Variants in DTD1 observed in about 807,000 individuals in gnomAD.
The protein encoded by DTD1 is D-aminoacyl-tRNA deacylase 1.
In DTD1, 13 loss-of-function variants were observed where a neutral mutation model predicts 25.6. The ratio of observed to expected loss-of-function variants is 0.51; its 90% CI spans 0.33 to 0.81. The LOEUF is 0.81. Among genes scored for constraint, DTD1 ranks in the 30% least tolerant of loss-of-function variants. The pLI, the probability that DTD1 is intolerant of heterozygous loss-of-function variation, is 0.02. For missense variants in DTD1, 193 were observed against 266.4 expected, an observed-to-expected ratio of 0.72 and a Z score of 1.92; for synonymous variants, 110 against 103.6, an observed-to-expected ratio of 1.06 and a Z score of -0.37.
chr20:18,601,456 G>A (rs1211739748), intron 3 of DTD1, among the ~76,000 whole-genome samples: 4 of 146,442 alleles, frequency 2.7e-5, no homozygotes, highest in African/African-American at 7.7e-5. Flanking sequence ...CCGAGATTAC[G>A]CCACTGTACT....
At chr20:18,647,589 G>A (rs548803160) in intron 4 of DTD1, among the ~76,000 whole-genome samples, 1 of 152,278 alleles carries the variant, frequency 6.6e-6, no homozygotes, top group East Asian at 1.9e-4. Flanking sequence ...ATGGAGGCTT[G>A]AACCTCCTGG....
At chr20:18,708,203 AT>A (rs2061135271) in intron 4 of DTD1, among the ~76,000 whole-genome samples, 1 of 29,574 alleles carries the variant, frequency 3.4e-5, no homozygotes, top group African/African-American at 9.1e-5. Flanking sequence ...TATTATATAT[AT>A]ATTTTATATA....
intron 4 of DTD1, among the ~76,000 whole-genome samples, chr20:18,647,954 TG>T (rs1252037194): frequency 3.3e-5 from 5 of 152,124 alleles, no homozygotes; most frequent in African/African-American, 1.2e-4. Flanking sequence ...TCAACCTAGA[TG>T]GGGCCCACAT....
chr20:18,712,134 GT>G (rs931160461), intron 4 of DTD1, among the ~76,000 whole-genome samples: 19 of 152,022 alleles, frequency 1.2e-4, no homozygotes, highest in African/African-American at 4.6e-4. Flanking sequence ...TTCTGCATGG[GT>G]TTTTCCTTAG....
intron 4 of DTD1, among the ~76,000 whole-genome samples, chr20:18,723,813 G>A (rs2061214044): frequency 6.6e-6 from 1 of 152,154 alleles, no homozygotes; most frequent in Non-Finnish European, 1.5e-5. Flanking sequence ...TTTGCTACAG[G>A]TATCAAAAGA....
chr20:18,746,222 G>C (rs1187157793), intron 5 of DTD1, among the ~76,000 whole-genome samples: 1 of 152,148 alleles, frequency 6.6e-6, no homozygotes, highest in Non-Finnish European at 1.5e-5. Flanking sequence ...ACAATTTGGA[G>C]CCTTCAGCTC....
intron 1 of DTD1, chr20:18,588,995 ATCCTG>A: frequency 1.6e-6 from 1 of 630,198 alleles, no homozygotes; most frequent in South Asian, 7.1e-5. Flanking sequence ...AATTTCAGAT[ATCCTG>A]TCCTTGGAGC....
intron 4 of DTD1, among the ~76,000 whole-genome samples, chr20:18,735,889 T>A (rs1022832178): frequency 6.6e-6 from 1 of 152,104 alleles, no homozygotes; most frequent in Non-Finnish European, 1.5e-5. Flanking sequence ...ATTTAAGGAC[T>A]TTTTTGCTTC....
chr20:18,652,354 A>C (rs75455655), intron 4 of DTD1, among the ~76,000 whole-genome samples: 2 of 152,254 alleles, frequency 1.3e-5, no homozygotes, highest in Non-Finnish European at 2.9e-5. Context: ...TCAGTTTACA[A>C]TCTTTAATAA....
intron 4 of DTD1, among the ~76,000 whole-genome samples, chr20:18,633,516 A>C (rs1251903753): frequency 6.6e-6 from 1 of 152,136 alleles, no homozygotes; most frequent in Non-Finnish European, 1.5e-5. Context: ...TGCCCTGTCC[A>C]GGGAGGTGTG....
chr20:18,682,030 T>C (rs2060999288), intron 4 of DTD1, among the ~76,000 whole-genome samples: 1 of 152,226 alleles, frequency 6.6e-6, no homozygotes, highest in South Asian at 2.1e-4. Flanking sequence ...TGCTGTTCTA[T>C]GGTACCTGCC....
At chr20:18,605,925 A>G (rs2060655100) in intron 3 of DTD1, among the ~76,000 whole-genome samples, 1 of 150,346 alleles carries the variant, frequency 6.7e-6, no homozygotes, top group Non-Finnish European at 1.5e-5. Context: ...AAATTGACAA[A>G]TGGGATCTAA....
chr20:18,758,931 C>G (rs545317893), intron 5 of DTD1, among the ~76,000 whole-genome samples: 7 of 152,206 alleles, frequency 4.6e-5, no homozygotes, highest in Non-Finnish European at 1.0e-4. Context: ...GTATTGGGTG[C>G]ATATATATTT....
At chr20:18,733,915 T>G (rs989741442) in intron 4 of DTD1, among the ~76,000 whole-genome samples, 1 of 152,226 alleles carries the variant, frequency 6.6e-6, no homozygotes, top group Non-Finnish European at 1.5e-5. Flanking sequence ...ATAATGGCAC[T>G]CTACACGGTG....
chr20:18,714,380 T>C (rs1204570933), intron 4 of DTD1, among the ~76,000 whole-genome samples: 1 of 152,258 alleles, frequency 6.6e-6, no homozygotes, highest in Non-Finnish European at 1.5e-5. Context: ...TTTATTAACA[T>C]AAATCCCCAC....
chr20:18,646,688 G>C (rs760619594), intron 4 of DTD1, among the ~76,000 whole-genome samples: 1 of 152,154 alleles, frequency 6.6e-6, no homozygotes, highest in African/African-American at 2.4e-5. Flanking sequence ...GTGACTCTGT[G>C]GTGTTGACAG....
intron 3 of DTD1, among the ~76,000 whole-genome samples, chr20:18,621,115 A>C (rs2060732198): frequency 6.6e-6 from 1 of 152,192 alleles, no homozygotes. Context: ...CCAGAATTCC[A>C]AACCGCATTT....
intron 5 of DTD1, among the ~76,000 whole-genome samples, chr20:18,750,658 C>T (rs922822807): frequency 2.6e-5 from 4 of 152,186 alleles, no homozygotes; most frequent in African/African-American, 9.7e-5. Flanking sequence ...CATGAAACTG[C>T]TAAAATTAAC....
intron 3 of DTD1, among the ~76,000 whole-genome samples, chr20:18,615,847 C>T (rs926040454): frequency 5.3e-5 from 8 of 152,174 alleles, no homozygotes; most frequent in Non-Finnish European, 1.0e-4. Flanking sequence ...CATGGGACGT[C>T]CATGATGCCC....
Sources: gnomAD v4.1 joint callset for allele counts (sites outside exome capture counted in the v4.1 genomes callset) on GRCh38, gnomAD v4.1.1 for gene constraint, MANE v1.5 for transcripts, NCBI Gene and HGNC (gene_info 2026-07-23, HGNC 2026-07-21) for gene names.